Variants in MTNAP1 observed in about 807,000 individuals in gnomAD.
MTNAP1 encodes mitochondrial nucleoid associated protein 1.
At chr17:73,248,869 T>C in the MTNAP1 span, 1 of 269,926 alleles carries the variant, frequency 3.7e-6, no homozygotes, top group Non-Finnish European at 7.1e-6. Context: ...TAAAATCATT[T>C]TATTATCAGC....
chr17:73,236,814 C>A, the MTNAP1 span: 88 of 1,614,030 alleles, frequency 5.5e-5, no homozygotes, highest in African/African-American at 1.1e-3. Flanking sequence ...AGAGCCCCTT[C>A]ACCAATCATG....
chr17:73,235,813 G>A, the MTNAP1 span: 2 of 1,614,022 alleles, frequency 1.2e-6, no homozygotes, highest in African/African-American at 2.7e-5. Flanking sequence ...GGCAGATAAA[G>A]ACATCAAGAA....
chr17:73,248,618 A>C, the MTNAP1 span: 6 of 1,367,922 alleles, frequency 4.4e-6, no homozygotes, highest in African/African-American at 1.4e-5. Flanking sequence ...CAGAAGAGGC[A>C]TGGTGACACC....
the MTNAP1 span, chr17:73,236,900 T>G: frequency 3.7e-6 from 6 of 1,614,060 alleles, no homozygotes; most frequent in South Asian, 5.5e-5. Flanking sequence ...CCTGGTTACC[T>G]TGGACTAGGG....
At chr17:73,248,434 A>G in the MTNAP1 span, 5 of 1,446,674 alleles carry the variant, frequency 3.5e-6, no homozygotes, top group African/African-American at 7.0e-5. Flanking sequence ...AGGAGGGGGT[A>G]AAAGTCGTGT....
At chr17:73,246,793 C>T in the MTNAP1 span, among the ~76,000 whole-genome samples, 1 of 152,158 alleles carries the variant, frequency 6.6e-6, no homozygotes, top group African/African-American at 2.4e-5. Context: ...GGGAAGAGTT[C>T]TACATTCAGT....
At chr17:73,242,218 A>T in the MTNAP1 span, 2 of 1,477,198 alleles carry the variant, frequency 1.4e-6, no homozygotes, top group Non-Finnish European at 1.9e-6. Flanking sequence ...GTAAACAATG[A>T]CAGTGACTTC....
the MTNAP1 span, among the ~76,000 whole-genome samples, chr17:73,244,093 A>G: frequency 6.6e-6 from 1 of 152,228 alleles, no homozygotes; most frequent in African/African-American, 2.4e-5. Flanking sequence ...AGCTTGCACT[A>G]AGTCTTAACC....
chr17:73,236,096 A>C, the MTNAP1 span: 2 of 1,614,206 alleles, frequency 1.2e-6, no homozygotes, highest in Non-Finnish European at 1.7e-6. Context: ...GGTGATCTCA[A>C]ATTGGACAAA....
the MTNAP1 span, chr17:73,248,399 T>G: frequency 8.9e-7 from 1 of 1,123,678 alleles, no homozygotes; most frequent in East Asian, 2.6e-5. Context: ...CTTATAAGTT[T>G]TGTCTCTTAA....
At chr17:73,236,521 CAA>C in the MTNAP1 span, 2 of 1,614,192 alleles carry the variant, frequency 1.2e-6, no homozygotes. Flanking sequence ...AAAGGAGTCT[CAA>C]GGGGAAAGAC....
chr17:73,238,282 CGTTTGT>C, the MTNAP1 span, among the ~76,000 whole-genome samples: 4 of 38,228 alleles, frequency 1.0e-4, no homozygotes, highest in East Asian at 1.3e-3. Flanking sequence ...GCATACCTGT[CGTTTGT>C]AAAGTAGCAT....
the MTNAP1 span, among the ~76,000 whole-genome samples, chr17:73,234,852 C>G: frequency 6.8e-6 from 1 of 148,006 alleles, no homozygotes; most frequent in East Asian, 2.0e-4. Flanking sequence ...TGTGGTAATT[C>G]TAATATTTTC....
the MTNAP1 span, chr17:73,242,319 C>G: frequency 1.9e-5 from 31 of 1,604,126 alleles, no homozygotes; most frequent in Non-Finnish European, 2.5e-5. Flanking sequence ...TCCAACTTCT[C>G]TCTAATGAGG....
At chr17:73,235,479 T>C in the MTNAP1 span, 5 of 1,599,730 alleles carry the variant, frequency 3.1e-6, no homozygotes, top group Admixed American at 5.2e-5. Flanking sequence ...TTTTCAGGAA[T>C]AGGATGAGTG....
At chr17:73,240,165 T>G in the MTNAP1 span, among the ~76,000 whole-genome samples, 2 of 152,120 alleles carry the variant, frequency 1.3e-5, no homozygotes, top group African/African-American at 2.4e-5. Flanking sequence ...GGAGGGAAAA[T>G]AGAATTTTTT....
chr17:73,245,944 G>A, the MTNAP1 span, among the ~76,000 whole-genome samples: 2 of 152,014 alleles, frequency 1.3e-5, no homozygotes, highest in Non-Finnish European at 2.9e-5. Context: ...CTCTCCATTT[G>A]TTAGGGTTGT....
the MTNAP1 span, chr17:73,248,534 T>G: frequency 6.4e-7 from 1 of 1,551,684 alleles, no homozygotes; most frequent in Non-Finnish European, 8.7e-7. Flanking sequence ...TTCCCGAATC[T>G]TCCTGCAAGG....
At chr17:73,235,601 A>C in the MTNAP1 span, 1 of 1,614,144 alleles carries the variant, frequency 6.2e-7, no homozygotes, top group Non-Finnish European at 8.5e-7. Flanking sequence ...ACTGATCAAA[A>C]AGTTTATCAG....
Sources: allele counts gnomAD v4.1 joint callset (sites outside exome capture counted in the v4.1 genomes callset), GRCh38; gene constraint gnomAD v4.1.1; transcripts MANE v1.5; gene names NCBI Gene and HGNC (gene_info 2026-07-23, HGNC 2026-07-21).